Variants in JADE2 observed in about 807,000 individuals in gnomAD.
JADE2 encodes jade family PHD finger 2, also known as E3 ubiquitin-protein ligase Jade-2.
JADE2 carries 13 observed loss-of-function variants against 85.7 expected under a neutral mutation model. That is an observed-to-expected ratio of 0.15 (90% confidence interval 0.10 to 0.24). The LOEUF (loss-of-function observed/expected upper bound fraction) is 0.24, where lower values mean the gene tolerates loss of function less well. JADE2 is among the 10% of genes least tolerant of loss of function. JADE2 has a pLI of 1.00. For missense variants in JADE2, 846 were observed against 1,115.9 expected (o/e 0.76, Z 3.45); for synonymous variants, 440 against 456.1 (o/e 0.96, Z 0.45).
rs1762629552 is a variant in JADE2, at chr5:134,552,101, A to G, written c.203A>G (p.Gln68Arg). 6.2e-7 allele frequency: 1 copy of G among 1,614,184 alleles called. No individual in the cohort carries two copies. Among genetic ancestry groups the G allele is most frequent in the Non-Finnish European group, 8.5e-7 (1 of 1,180,016 alleles). ...ITAMKIPDSY[Q>R]LSPDDYYILA... The stretch of plus-strand genomic sequence containing the variant: ...GCCATGAAGATCCCGGACTCATACC[A>G]GCTCAGCCCGGATGACTACTACATC... The change falls in exon 4 of 12, where the codon CAG becomes CGG. Residue 68 changes from glutamine (Q) to arginine (R), a missense_variant. Gln to Arg is a conservative substitution (Grantham distance 43). This residue lies in a region of JADE2 where 44 missense variants were observed against 92.0 expected (regional missense o/e 0.48). Transcript: ENST00000681547.
chr5:134,547,951 T>C (rs550952173), intron 3 of JADE2, among the ~76,000 whole-genome samples: 15 of 152,288 alleles, frequency 9.8e-5, no homozygotes, highest in African/African-American at 2.9e-4. Flanking sequence ...CAGCCTAGGA[T>C]TGGGGAAGCC....
intron 1 of JADE2, among the ~76,000 whole-genome samples, chr5:134,530,692 A>C (rs888193139): frequency 2.0e-5 from 3 of 152,238 alleles, no homozygotes; most frequent in African/African-American, 7.2e-5. Flanking sequence ...CTGCCAAGAA[A>C]ACATCTGCCA....
rs70976536 is a variant in JADE2 at position 134,533,736 on chromosome 5, CTTTTTTTTTT to C, written c.1-2103_1-2094del. 3.7e-3 allele frequency: 418 copies of C among 112,828 alleles called. 5 individuals carry two copies. The highest frequency in any genetic ancestry group is 0.01 in the South Asian group (30 of 2,936). The allele number at this position is 112,828 out of a possible 1,614,324, so 7.0% of individuals were successfully genotyped here. On this transcript the variant is annotated intron_variant, in intron 1 of 11. Transcript: ENST00000681547. ...TCAGTCAGCCTTTGTCACACTCTCT[CTTTTTTTTTT>C]TTTTTTTTTTTTTTTTTTGAGATAA... is the stretch of plus-strand genomic sequence containing the variant.
intron 3 of JADE2, among the ~76,000 whole-genome samples, chr5:134,543,510 TA>T (rs551402241): frequency 1.3e-5 from 2 of 151,410 alleles, no homozygotes; most frequent in African/African-American, 2.4e-5. Flanking sequence ...CTGTCTCTAC[TA>T]AAAAAAATTT....
At chr5:134,563,267 G>A (rs1325667006) in intron 7 of JADE2, among the ~76,000 whole-genome samples, 2 of 151,556 alleles carry the variant, frequency 1.3e-5, no homozygotes, top group South Asian at 2.1e-4. Flanking sequence ...GCAGTGAGCC[G>A]AGATCGCGCC....
At chr5:134,542,189 G>A (rs1473266629) in intron 3 of JADE2, among the ~76,000 whole-genome samples, 1 of 152,222 alleles carries the variant, frequency 6.6e-6, no homozygotes, top group African/African-American at 2.4e-5. Flanking sequence ...TCCCAACAGA[G>A]CTATCTATCT....
chr5:134,533,423 G>A (rs1158169195), intron 1 of JADE2: 1 of 449,842 alleles, frequency 2.2e-6, no homozygotes, highest in Non-Finnish European at 2.9e-6. Context: ...ATCTCCTCTG[G>A]GAGGTATGTC....
chr5:134,579,369 A>C lies in JADE2; in HGVS notation c.*52A>C. ...TGCCCTGGTCCCCCCACAAGGCCTC[A>C]GCCCAGTCACAACTGCCATTTCCAG... On this transcript the variant is annotated 3_prime_UTR_variant, in exon 12 of 12. Coordinates refer to ENST00000681547, the MANE Select transcript of JADE2 (RefSeq NM_001388185.1). The surrounding 1 kb of genome is among the most constrained non-coding windows in gnomAD (Gnocchi z 4.6). 7.1e-7 allele frequency: 1 copy of C among 1,401,156 alleles called. No homozygotes were observed. Among genetic ancestry groups the C allele is most frequent in the African/African-American group, 1.4e-5 (1 of 70,076 alleles). The allele number at this position is 1,401,156 out of a possible 1,614,324, so 86.8% of individuals were successfully genotyped here.
At chr5:134,531,073 A>T (rs1279857738) in intron 1 of JADE2, among the ~76,000 whole-genome samples, 38 of 152,344 alleles carry the variant, frequency 2.5e-4, no homozygotes, top group Non-Finnish European at 4.1e-4. Flanking sequence ...CTGGGTGGTG[A>T]ATTTCTTCAG....
At chr5:134,550,532 G>GGA (rs1357311640) in intron 3 of JADE2, among the ~76,000 whole-genome samples, 1 of 152,176 alleles carries the variant, frequency 6.6e-6, no homozygotes, top group Non-Finnish European at 1.5e-5. Context: ...TCTCAGGCCT[G>GGA]GAGTACTCCT....
At chr5:134,563,753 C>T (rs1763472878) in intron 7 of JADE2, among the ~76,000 whole-genome samples, 1 of 152,206 alleles carries the variant, frequency 6.6e-6, no homozygotes, top group Non-Finnish European at 1.5e-5. Flanking sequence ...AAGACTGGGA[C>T]CACCTCTGAG....
rs747173757 is a variant in JADE2 at position 134,559,942 on chromosome 5, A to C, written c.424A>C (p.Ile142Leu). The change falls in exon 5 of 12, where the codon ATT (isoleucine) becomes CTT (leucine). Residue 142 changes from isoleucine to leucine, a missense_variant. By Grantham distance (5) the Ile-to-Leu change is conservative. Coordinates refer to ENST00000681547, the MANE Select transcript of JADE2 (RefSeq NM_001388185.1). The part of the protein sequence containing the change: ...PGGSRYDLDE[I>L]DAYWLELINS... ...GGGCAGCCGCTATGACTTGGACGAG[A>C]TTGATGCCTACTGGCTGGAGCTCAT... 13 of 1,614,034 alleles carry C rather than the reference A, an allele frequency of 8.1e-6. No individual in the cohort carries two copies. The South Asian group carries it at 9.9e-5, about 12-fold the overall frequency.
chr5:134,562,085 G>A lies in JADE2; in HGVS notation c.685-115G>A. ...CTCAGAAGTTGTACGTGCCAGAGAT[G>A]GGAGGCTGTGTAGCAGTGTAGCATG... On this transcript the variant is annotated intron_variant, in intron 6 of 11. Coordinates refer to ENST00000681547, the MANE Select transcript of JADE2 (RefSeq NM_001388185.1). This position sits in a 1 kb window ranked among gnomAD's most constrained non-coding sequence, Gnocchi z 4.6. 9.8e-7 allele frequency: 1 copy of A among 1,018,782 alleles called. No individual in the cohort carries two copies. The highest frequency in any genetic ancestry group is 1.4e-6 in the Non-Finnish European group (1 of 707,254). 63.1% of individuals were successfully genotyped at this position (1,018,782 alleles called of 1,614,324 possible). A position where few individuals can be genotyped will look rare whatever the true frequency, so the allele number is the denominator to read the frequency against.
chr5:134,557,031 A>T (rs1762992343), intron 4 of JADE2, among the ~76,000 whole-genome samples: 1 of 107,320 alleles, frequency 9.3e-6, no homozygotes, highest in Admixed American at 1.0e-4. Flanking sequence ...CAGCACATAC[A>T]CACACACCAC....
In JADE2 at chr5:134,578,955, G is replaced by A; in HGVS notation, c.2143G>A (p.Glu715Lys). The change falls in exon 12 of 12, where the codon GAA becomes AAA. Residue 715 changes from glutamate (E) to lysine (K), a missense_variant. Transcript: ENST00000681547. This position sits in a 1 kb window ranked among gnomAD's most constrained non-coding sequence, Gnocchi z 4.4. ...GGACTGTCCCATCCTAGCCACCCCT[G>A]AAAGCCCCCCGCCACTGGCCCCTGA... Reference protein sequence around the residue: ...AGDCPILATPESPPPLAPETP... With the variant: ...AGDCPILATPKSPPPLAPETP... The A allele has an allele frequency of 3.1e-6, 5 of 1,612,504 alleles. No homozygotes were observed. Among genetic ancestry groups the A allele is most frequent in the Non-Finnish European group, 4.2e-6 (5 of 1,179,486 alleles).
rs1763409856 is a variant in JADE2 at position 134,562,867 on chromosome 5, C to T, written c.852+500C>T. On this transcript the variant is annotated intron_variant, in intron 7 of 11. Transcript: ENST00000681547. The surrounding 1 kb of genome is among the most constrained non-coding windows in gnomAD (Gnocchi z 4.6). ...GCTTTGCTTGTGGACTTGGACAGAGCTCAGGTGGTGACTTCTATGAGAAAA... is the reference window on the plus strand; with the variant it reads ...GCTTTGCTTGTGGACTTGGACAGAGTTCAGGTGGTGACTTCTATGAGAAAA... Among the ~76,000 whole-genome samples, 1 of 152,186 alleles carries T rather than the reference C, an allele frequency of 6.6e-6. No homozygotes were observed. Among genetic ancestry groups the T allele is most frequent in the African/African-American group, 2.4e-5 (1 of 41,434 alleles).
intron 9 of JADE2, among the ~76,000 whole-genome samples, chr5:134,570,598 G>A (rs1176797902): frequency 6.6e-6 from 1 of 152,042 alleles, no homozygotes; most frequent in Non-Finnish European, 1.5e-5. Context: ...TGCCACCTGG[G>A]CTGCCTGCAG....
Position 134,560,870 on chromosome 5 carries a change from T to C in JADE2, c.597T>C (p.Asp199=), listed in dbSNP as rs778843605. 2 of 1,614,148 alleles carry C rather than the reference T, an allele frequency of 1.2e-6. No individual in the cohort carries two copies. The highest frequency in any genetic ancestry group is 1.7e-5 in the Admixed American group (1 of 60,022). Residue 199 remains aspartate, a synonymous_variant, in exon 6 of 12, where the codon GAT becomes GAC. Coordinates refer to ENST00000681547, the MANE Select transcript of JADE2 (RefSeq NM_001388185.1). ...QEGLGIEYDE[D]VVCDVCRSPE... ...GGCTGGGCATCGAGTACGACGAGGA[T>C]GTTGTCTGCGACGTGTGTCGCTCTC...
chr5:134,566,163 T>G lies in JADE2; in HGVS notation c.1017T>G (p.Phe339Leu). 1 of 1,614,088 alleles carries G rather than the reference T, an allele frequency of 6.2e-7. No homozygotes were observed. Among genetic ancestry groups the G allele is most frequent in the East Asian group, 2.2e-5 (1 of 44,838 alleles). Residue 339 changes from phenylalanine to leucine, a missense_variant, in exon 9 of 12, where the codon TTT (phenylalanine) becomes TTG (leucine). Phe to Leu is a conservative substitution (Grantham distance 22). Around this residue, in one of 9 missense-constraint regions of JADE2, gnomAD observed 129 missense variants for 255.4 expected, o/e 0.51. Coordinates refer to ENST00000681547, the MANE Select transcript of JADE2 (RefSeq NM_001388185.1). The surrounding 1 kb of genome is among the most constrained non-coding windows in gnomAD (Gnocchi z 6.7). ...CVTAFHVTCA[F>L]DHGLEMRTIL... The stretch of plus-strand genomic sequence containing the variant: ...CAGCGTTCCATGTCACATGCGCCTT[T>G]GACCACGGCCTGGAAATGCGGACTA...
Sources: gnomAD v4.1 joint callset for allele counts (sites outside exome capture counted in the v4.1 genomes callset) on GRCh38, gnomAD v4.1.1 for gene constraint, gnomAD v4.1.1 regional missense constraint, Gnocchi (gnomAD v3.1) non-coding constraint, MANE v1.5 for transcripts, NCBI Gene and HGNC (gene_info 2026-07-23, HGNC 2026-07-21) for gene names.